Variants in LPP observed in about 807,000 individuals in gnomAD.
The protein encoded by LPP is lipoma-preferred partner.
LPP carries 38 observed loss-of-function variants against 60.4 expected under a neutral mutation model. That is an observed-to-expected ratio of 0.63 (90% confidence interval 0.49 to 0.83). The LOEUF is 0.83. LPP is among the 40% of genes least tolerant of loss of function. LPP has a pLI of 0.00. For synonymous variants in LPP, 328 were observed against 290.8 expected (o/e 1.13, Z -1.30); for missense variants, 902 against 783.6 (o/e 1.15, Z -1.80).
At chr3:188,576,830 G>C (rs1560586016) in intron 6 of LPP, among the ~76,000 whole-genome samples, 2 of 152,316 alleles carry the variant, frequency 1.3e-5, no homozygotes, top group South Asian at 4.1e-4. Context: ...AGAAGTCACA[G>C]TTCAAAACGA....
At chr3:188,334,422 CT>C (rs71167095) in intron 2 of LPP, among the ~76,000 whole-genome samples, 50 of 98,668 alleles carry the variant, frequency 5.1e-4, no homozygotes, top group South Asian at 1.8e-3. Context: ...ATATTTCTTT[CT>C]TTTTTTTTTT....
chr3:188,420,076 A>C (rs1291013164), intron 4 of LPP, among the ~76,000 whole-genome samples: 1 of 145,280 alleles, frequency 6.9e-6, no homozygotes, highest in East Asian at 1.9e-4. Flanking sequence ...TTCTATCCAT[A>C]GTTTTTTTTA....
At chr3:188,786,889 G>T (rs1191079340) in intron 9 of LPP, among the ~76,000 whole-genome samples, 1 of 152,176 alleles carries the variant, frequency 6.6e-6, no homozygotes, top group Non-Finnish European at 1.5e-5. Flanking sequence ...TATATAAATG[G>T]AGAACAGATT....
chr3:188,822,454 A>G (rs1162096679), intron 9 of LPP, among the ~76,000 whole-genome samples: 2 of 152,110 alleles, frequency 1.3e-5, no homozygotes, highest in African/African-American at 4.8e-5. Context: ...CCCGTGTGAC[A>G]TGGCATATAT....
At chr3:188,786,460 TA>T (rs1741970045) in intron 9 of LPP, among the ~76,000 whole-genome samples, 1 of 149,492 alleles carries the variant, frequency 6.7e-6, no homozygotes, top group South Asian at 2.1e-4. Flanking sequence ...CTGCATCAAT[TA>T]TATTTTGCTG....
At chr3:188,588,469 G>T (rs936606933) in intron 6 of LPP, among the ~76,000 whole-genome samples, 2 of 151,992 alleles carry the variant, frequency 1.3e-5, no homozygotes, top group Non-Finnish European at 2.9e-5. Flanking sequence ...GTCTTGATTC[G>T]TCTTCTTTAC....
intron 7 of LPP, among the ~76,000 whole-genome samples, chr3:188,625,573 A>G (rs1241604561): frequency 6.6e-6 from 1 of 152,186 alleles, no homozygotes; most frequent in Non-Finnish European, 1.5e-5. Context: ...TTCATACTAT[A>G]TAGATCATTG....
chr3:188,240,017 C>A, intron 2 of LPP: 1 of 196,286 alleles, frequency 5.1e-6, no homozygotes, highest in Non-Finnish European at 1.1e-5. Flanking sequence ...TGCTCAAGGT[C>A]TCAGAGAGCA....
In LPP at chr3:188,874,449, G is replaced by T. The variant is rs140272935; in HGVS notation, c.1809G>T (p.Val603=). The change falls in exon 12 of 12, where the codon GTG becomes GTT. Residue 603 remains valine (V), a synonymous_variant. Transcript: ENST00000617246. ...CCTGCAACTCTGCCCGCATCAGGGT[G>T]TTGACCGCCAAGGCGAGCACTGACC... is the stretch of plus-strand genomic sequence containing the variant. ...CKTCNSARIR[V]LTAKASTDL 3.0e-5 allele frequency: 48 copies of T among 1,614,100 alleles called. No individual in the cohort carries two copies. The African/African-American group carries it at 5.9e-4, about 20-fold the overall frequency.
intron 7 of LPP, among the ~76,000 whole-genome samples, chr3:188,635,427 G>A (rs1322203215): frequency 5.9e-5 from 9 of 152,152 alleles, no homozygotes; most frequent in Admixed American, 5.9e-4. Flanking sequence ...CAGTACGTTT[G>A]GTTCTAGTCT....
At chr3:188,299,999 G>C (rs1422266800) in intron 2 of LPP, among the ~76,000 whole-genome samples, 7 of 152,116 alleles carry the variant, frequency 4.6e-5, no homozygotes, top group Non-Finnish European at 8.8e-5. Context: ...CTCAACAAAG[G>C]GACTTTTATC....
chr3:188,420,592 T>G (rs1787527541), intron 4 of LPP, among the ~76,000 whole-genome samples: 1 of 152,174 alleles, frequency 6.6e-6, no homozygotes, highest in Non-Finnish European at 1.5e-5. Flanking sequence ...GAAATTGTAT[T>G]TAAACTTAGT....
intron 7 of LPP, among the ~76,000 whole-genome samples, chr3:188,626,822 G>A (rs1047962141): frequency 6.6e-6 from 1 of 152,054 alleles, no homozygotes; most frequent in Non-Finnish European, 1.5e-5. Flanking sequence ...ACATGACTCA[G>A]CTCATAACAA....
At chr3:188,678,315 A>AT (rs1858595533) in intron 7 of LPP, among the ~76,000 whole-genome samples, 1 of 152,246 alleles carries the variant, frequency 6.6e-6, no homozygotes, top group Non-Finnish European at 1.5e-5. Flanking sequence ...CATTTAATGT[A>AT]GCTTTATACA....
At chr3:188,387,744 T>G (rs1472251186) in intron 3 of LPP, among the ~76,000 whole-genome samples, 5 of 151,996 alleles carry the variant, frequency 3.3e-5, no homozygotes, top group African/African-American at 9.7e-5. Flanking sequence ...TTTTTGTATT[T>G]TTATTAGAGA....
At chr3:188,417,934 C>T (rs1786759537) in intron 4 of LPP, among the ~76,000 whole-genome samples, 1 of 152,108 alleles carries the variant, frequency 6.6e-6, no homozygotes, top group Admixed American at 6.6e-5. Context: ...TGCTCTCTTA[C>T]TTGTTCACAC....
chr3:188,631,050 C>G (rs1580532845), intron 7 of LPP, among the ~76,000 whole-genome samples: 1 of 151,842 alleles, frequency 6.6e-6, no homozygotes, highest in South Asian at 2.1e-4. Context: ...GGGTGAGGGT[C>G]GAAAAACTAT....
Position 188,647,288 on chromosome 3 carries a change from G to A in LPP, c.1113+37444G>A, listed in dbSNP as rs151100292. ...CACACAGGGCTCACTGTATCCGGGG[G>A]CCTGGCTTGATCCGGTAAAGAGCGT... On this transcript the variant is annotated intron_variant, in intron 7 of 11. Transcript: ENST00000617246. Among the ~76,000 whole-genome samples the A allele has an allele frequency of 2.5e-4, 38 of 152,324 alleles. 1 individual carries two copies. Among genetic ancestry groups the A allele is most frequent in the African/African-American group, 8.9e-4 (37 of 41,564 alleles).
At chr3:188,795,981 A>C (rs1745224024) in intron 9 of LPP, among the ~76,000 whole-genome samples, 1 of 152,216 alleles carries the variant, frequency 6.6e-6, no homozygotes, top group African/African-American at 2.4e-5. Context: ...GAAAATGCTT[A>C]TCCAGTTATT....
Sources: allele counts gnomAD v4.1 joint callset (sites outside exome capture counted in the v4.1 genomes callset), GRCh38; gene constraint gnomAD v4.1.1; transcripts MANE v1.5; gene names NCBI Gene and HGNC (gene_info 2026-07-23, HGNC 2026-07-21).